C1GALT1: variants seen among roughly 807,000 people sequenced by gnomAD.
C1GALT1 encodes the protein core 1 synthase, glycoprotein-N-acetylgalactosamine 3-beta-galactosyltransferase 1.
In C1GALT1, 11 loss-of-function variants were observed where a neutral mutation model predicts 31.0. The observed-to-expected ratio is 0.36, with a 90% CI of 0.22 to 0.59. The LOEUF (loss-of-function observed/expected upper bound fraction) is 0.59, where lower values mean the gene tolerates loss of function less well. Ranked by LOEUF, C1GALT1 falls within the 20% of genes least tolerant of loss-of-function variation. C1GALT1 has a pLI of 0.79. For synonymous variants in C1GALT1, 175 were observed against 143.6 expected, an observed-to-expected ratio of 1.22 and a Z score of -1.56; for missense variants, 424 against 425.2, an observed-to-expected ratio of 1.00 and a Z score of 0.03.
chr7:7,182,847 C>T, intron 1 of C1GALT1, 27 bp downstream of exon 1: 5 of 985,540 alleles, frequency 5.1e-6, no homozygotes, highest in Non-Finnish European at 6.0e-6. Flanking sequence ...CGCCCTCAGG[C>T]TACGGGTCCA....
chr7:7,227,719 CAAAAA>C (rs57031681), intron 1 of C1GALT1, among the ~76,000 whole-genome samples: 32 of 119,104 alleles, frequency 2.7e-4, no homozygotes, highest in African/African-American at 4.3e-4. Flanking sequence ...GACTCCGTCT[CAAAAA>C]AAAAAAAAAA....
intron 1 of C1GALT1, among the ~76,000 whole-genome samples, chr7:7,231,646 T>G (rs1783078668): frequency 6.6e-6 from 1 of 152,214 alleles, no homozygotes; most frequent in African/African-American, 2.4e-5. Flanking sequence ...GAATAGTTAT[T>G]TCTAAGCTAA....
chr7:7,198,737 C>A (rs747308698), intron 1 of C1GALT1, among the ~76,000 whole-genome samples: 87 of 152,140 alleles, frequency 5.7e-4, no homozygotes, highest in Non-Finnish European at 1.0e-3. Flanking sequence ...GTTCAGGGAT[C>A]CACCTTCTTC....
chr7:7,244,208 C>T lies in C1GALT1; in HGVS notation c.*481C>T, dbSNP rs538693414. 2 of 152,406 alleles carry T rather than the reference C, an allele frequency of 1.3e-5. No homozygotes were observed. Among genetic ancestry groups the T allele is most frequent in the South Asian group, 4.2e-4 (2 of 4,816 alleles). The allele number at this position is 152,406 out of a possible 1,614,324, so 9.4% of individuals were successfully genotyped here. A position where few individuals can be genotyped will look rare whatever the true frequency, so the allele number is the denominator to read the frequency against. ...TGCAGTATGCTATAAATGATACCCC[C>T]CTACCACACCCACACACACAGTTTT... On this transcript the variant is annotated 3_prime_UTR_variant, in exon 4 of 4. Coordinates refer to ENST00000436587, the MANE Select transcript of C1GALT1 (RefSeq NM_020156.5).
At chr7:7,182,959 A>G in intron 1 of C1GALT1, 139 bp downstream of exon 1, 1 of 576,578 alleles carries the variant, frequency 1.7e-6, no homozygotes, top group Non-Finnish European at 2.2e-6. Flanking sequence ...CTCGGGGTCA[A>G]AGCCGGGCTG....
At chr7:7,215,703 C>T (rs1389444658) in intron 1 of C1GALT1, among the ~76,000 whole-genome samples, 1 of 147,616 alleles carries the variant, frequency 6.8e-6, no homozygotes, top group Non-Finnish European at 1.5e-5. Context: ...TCCCTTTTGG[C>T]GTACTGTAGG....
At chr7:7,219,086 C>T (rs1052185752) in intron 1 of C1GALT1, among the ~76,000 whole-genome samples, 9 of 152,302 alleles carry the variant, frequency 5.9e-5, no homozygotes, top group Admixed American at 4.6e-4. Context: ...GATCCGCCCG[C>T]CTCGGCCTCC....
intron 2 of C1GALT1, among the ~76,000 whole-genome samples, chr7:7,170,602 G>A (rs1196361178): frequency 6.6e-6 from 1 of 152,160 alleles, no homozygotes; most frequent in Non-Finnish European, 1.5e-5. Context: ...GGCCAACATG[G>A]TGAAACCCCA....
Position 7,238,073 on chromosome 7 carries a change from A to G in C1GALT1, c.221-182A>G, listed in dbSNP as rs1023707180. ...CAGTGATGTCCTAGATAACACTGAC[A>G]TGAAACCAATAAATCAGAGTGTCAG... On this transcript the variant is annotated intron_variant, in intron 2 of 3. Coordinates refer to ENST00000436587, the MANE Select transcript of C1GALT1 (RefSeq NM_020156.5). The surrounding 1 kb of genome is among the most constrained non-coding windows in gnomAD (Gnocchi z 5.2). Among the ~76,000 whole-genome samples the G allele has an allele frequency of 8.5e-5, 13 of 152,254 alleles. No homozygotes were observed. The highest frequency in any genetic ancestry group is 3.1e-4 in the African/African-American group (13 of 41,474).
chr7:7,216,735 A>G (rs1782261915), intron 1 of C1GALT1, among the ~76,000 whole-genome samples: 1 of 152,184 alleles, frequency 6.6e-6, no homozygotes, highest in Non-Finnish European at 1.5e-5. Context: ...CCGTTTTCCC[A>G]CTGATGGGAC....
chr7:7,186,131 G>C (rs916143343), intron 1 of C1GALT1, among the ~76,000 whole-genome samples: 2 of 145,760 alleles, frequency 1.4e-5, no homozygotes, highest in African/African-American at 2.6e-5. Flanking sequence ...GGCCGAGCAT[G>C]CTAGCCCAGA....
intron 1 of C1GALT1, among the ~76,000 whole-genome samples, chr7:7,184,897 T>A (rs1311373923): frequency 2.0e-5 from 3 of 152,206 alleles, no homozygotes; most frequent in African/African-American, 7.2e-5. Flanking sequence ...TCAGTGGGAT[T>A]AAGTCATTCT....
intron 2 of C1GALT1, among the ~76,000 whole-genome samples, chr7:7,158,794 C>G (rs1780301673): frequency 1.3e-5 from 2 of 151,988 alleles, no homozygotes; most frequent in Admixed American, 1.3e-4. Flanking sequence ...TTATGACCTA[C>G]TTGTAATTAG....
chr7:7,199,547 A>G (rs1009512649), intron 1 of C1GALT1, among the ~76,000 whole-genome samples: 3 of 152,204 alleles, frequency 2.0e-5, no homozygotes, highest in African/African-American at 7.2e-5. Context: ...GTAGATGTCT[A>G]TTAGGTCTGC....
chr7:7,200,440 G>A lies in C1GALT1; in HGVS notation c.-18+17620G>A, dbSNP rs570427750. On this transcript the variant is annotated intron_variant, in intron 1 of 3. Coordinates refer to ENST00000436587, the MANE Select transcript of C1GALT1 (RefSeq NM_020156.5). ...TAGTCTGATTGGCTTCCCTTTGTGA[G>A]TAACCTGACCTTTCAGTCTGACAAT... Among the ~76,000 whole-genome samples the A allele has an allele frequency of 5.3e-5, 8 of 151,762 alleles. No homozygotes were observed. The South Asian group carries it at 1.7e-3, about 32-fold the overall frequency.
At chr7:7,225,227 CAGTT>C (rs1397343316) in intron 1 of C1GALT1, among the ~76,000 whole-genome samples, 1 of 152,036 alleles carries the variant, frequency 6.6e-6, no homozygotes, top group East Asian at 1.9e-4. Flanking sequence ...TTAATGTAAA[CAGTT>C]AGTGCTATAA....
intron 1 of C1GALT1, among the ~76,000 whole-genome samples, chr7:7,202,329 G>T (rs1781560925): frequency 6.6e-6 from 1 of 152,172 alleles, no homozygotes; most frequent in African/African-American, 2.4e-5. Flanking sequence ...TACTCGGTGT[G>T]TCTGAGTGGG....
rs740530 is a variant in C1GALT1, at chr7:7,182,563, C to T, written c.-275C>T. 0.24 allele frequency: 36,008 copies of T among 152,836 alleles called. 4,799 individuals carry two copies. Among genetic ancestry groups the T allele is most frequent in the East Asian group, 0.42 (2,143 of 5,134 alleles). 9.5% of individuals were successfully genotyped at this position (152,836 alleles called of 1,614,324 possible). Reference sequence around the variant, plus strand: ...AGCGCCAGGAGACTTCGGGTGGCGGCTGCGCCATAGGCGGGCCACGGCCTG... The same window carrying T: ...AGCGCCAGGAGACTTCGGGTGGCGGTTGCGCCATAGGCGGGCCACGGCCTG... On this transcript the variant is annotated 5_prime_UTR_variant, in exon 1 of 4. Coordinates refer to ENST00000436587, the MANE Select transcript of C1GALT1 (RefSeq NM_020156.5).
intron 1 of C1GALT1, among the ~76,000 whole-genome samples, chr7:7,199,318 G>A (rs1781437293): frequency 6.6e-6 from 1 of 152,206 alleles, no homozygotes; most frequent in Non-Finnish European, 1.5e-5. Context: ...TCAGGGGCAG[G>A]TTGTTCAGTT....
Sources: allele counts gnomAD v4.1 joint callset (sites outside exome capture counted in the v4.1 genomes callset), GRCh38; gene constraint gnomAD v4.1.1; non-coding constraint Gnocchi (gnomAD v3.1); transcripts MANE v1.5; gene names NCBI Gene and HGNC (gene_info 2026-07-23, HGNC 2026-07-21).